RYR1: variants seen among roughly 807,000 people sequenced by gnomAD.
The protein encoded by RYR1 is central core disease of muscle.
A neutral mutation model predicts 583.5 loss-of-function variants in RYR1; 342 were observed. That is an observed-to-expected ratio of 0.59 (90% confidence interval 0.54 to 0.64). The LOEUF is 0.64. Ranked by LOEUF, RYR1 falls within the 30% of genes least tolerant of loss-of-function variation. RYR1 has a pLI of 0.00. For synonymous variants in RYR1, 2,791 were observed against 2,822.5 expected (o/e 0.99, Z 0.35); for missense variants, 6,032 against 6,917.2 (o/e 0.87, Z 4.54).
rs1474063085 is a variant in RYR1, at chr19:38,512,152, C to T, written c.9233+20C>T. ...TGCCAGGTAGGGCCATAGGCAGTGG[C>T]GCCCACTCCCACCATCATCGGGCCC... On this transcript the variant is annotated intron_variant, in intron 62 of 105. Transcript: ENST00000359596. The surrounding 1 kb of genome is among the most constrained non-coding windows in gnomAD (Gnocchi z 5.1). 1.4e-5 allele frequency: 22 copies of T among 1,613,942 alleles called. No homozygotes were observed. In the East Asian group the frequency reaches 3.8e-4, roughly 28 times the overall value.
intron 63 of RYR1, among the ~76,000 whole-genome samples, chr19:38,513,173 A>G (rs980939311): frequency 6.6e-5 from 10 of 152,116 alleles, no homozygotes; most frequent in African/African-American, 2.4e-4. Flanking sequence ...CCTTGTCTCT[A>G]CTAAAATACA....
At chr19:38,451,956 C>T (rs369900170) in intron 12 of RYR1, 71 bp downstream of exon 12, 62 of 1,601,304 alleles carry the variant, frequency 3.9e-5, no homozygotes, top group Non-Finnish European at 4.3e-6. Flanking sequence ...ATACACTTGG[C>T]CTCTTTCATC....
chr19:38,568,327 C>G (rs1973541660), intron 93 of RYR1, among the ~76,000 whole-genome samples: 1 of 152,148 alleles, frequency 6.6e-6, no homozygotes, highest in Non-Finnish European at 1.5e-5. Flanking sequence ...TCTGAGCTCT[C>G]CCAATTCCTG....
Position 38,499,624 on chromosome 19 carries a change from CG to C in RYR1, c.7028-8del. 6.3e-7 allele frequency: 1 copy of C among 1,597,038 alleles called. No homozygotes were observed. The highest frequency in any genetic ancestry group is 8.5e-7 in the Non-Finnish European group (1 of 1,179,734). ...GCTCATGAGACCCCCTTTCCCCATG[CG>C]GGTGGCCAGGCGAGAGCGTGGAGGA... On this transcript the variant is annotated splice_polypyrimidine_tract_variant and intron_variant, in intron 43 of 105. Transcript: ENST00000359596. This position sits in a 1 kb window ranked among gnomAD's most constrained non-coding sequence, Gnocchi z 7.3.
chr19:38,502,028 G>A (rs370284110), intron 47 of RYR1, among the ~76,000 whole-genome samples: 2 of 151,342 alleles, frequency 1.3e-5, no homozygotes, highest in African/African-American at 4.9e-5. Context: ...ATGGAGGTGC[G>A]TCCCTGTAGT....
At chr19:38,585,763 G>C (rs778748833) in intron 102 of RYR1, among the ~76,000 whole-genome samples, 175 bp from the exon 103 acceptor site, 1 of 152,028 alleles carries the variant, frequency 6.6e-6, no homozygotes, top group African/African-American at 2.4e-5. Context: ...GATTACAGGC[G>C]TGAGCCACCG....
chr19:38,538,491 C>G (rs1005377324), intron 84 of RYR1: 1 of 155,228 alleles, frequency 6.4e-6, no homozygotes, highest in Non-Finnish European at 1.4e-5. Flanking sequence ...AGCAACCTGC[C>G]AAAAACCAAT....
At position 38,585,901 on chromosome 19, in the gene RYR1, C is replaced by T. The variant is rs1208323823; in HGVS notation, c.14804-37C>T. The T allele has an allele frequency of 1.9e-5, 30 of 1,613,634 alleles. No homozygotes were observed. The East Asian group carries it at 6.7e-4, about 36-fold the overall frequency. On this transcript the variant is annotated intron_variant, in intron 102 of 105. Coordinates refer to ENST00000359596, the MANE Select transcript of RYR1 (RefSeq NM_000540.3). ...GGAGAGGGGGGAGTCTGAACCAGGT[C>T]AGAGGTCGGGCACTGACTTGTGTCC...
At chr19:38,567,214 G>A (rs1437894637) in intron 92 of RYR1, among the ~76,000 whole-genome samples, 2 of 152,136 alleles carry the variant, frequency 1.3e-5, no homozygotes, top group African/African-American at 2.4e-5. Context: ...GCATGGTGGT[G>A]TGTGGGGAGG....
At position 38,486,189 on chromosome 19, in the gene RYR1, T is replaced by C; in HGVS notation, c.5534T>C (p.Val1845Ala). Residue 1845 changes from valine to alanine, a missense_variant, in exon 34 of 106, where the codon GTG (valine) becomes GCG (alanine). Val to Ala is a moderately conservative substitution (Grantham distance 64). Transcript: ENST00000359596. ...EFQFVPVLKLVSTLLVMGIFG... is the reference protein window; with the variant it reads ...EFQFVPVLKLASTLLVMGIFG... ...CAGTTTGTGCCTGTGCTCAAGCTCGTGTCCACCCTGCTGGTAATGGCTTCC... is the reference window on the plus strand; with the variant it reads ...CAGTTTGTGCCTGTGCTCAAGCTCGCGTCCACCCTGCTGGTAATGGCTTCC... The C allele has an allele frequency of 6.2e-7, 1 of 1,612,956 alleles. No individual in the cohort carries two copies. Among genetic ancestry groups the C allele is most frequent in the East Asian group, 2.2e-5 (1 of 44,870 alleles).
At chr19:38,557,463 T>G (rs1599617912) in intron 89 of RYR1, among the ~76,000 whole-genome samples, 1 of 152,144 alleles carries the variant, frequency 6.6e-6, no homozygotes, top group Non-Finnish European at 1.5e-5. Flanking sequence ...AACCGGCTGG[T>G]GGCGGAAGGC....
At chr19:38,564,917 C>G in intron 90 of RYR1, 42 bp from the exon 91 acceptor site, 1 of 1,549,074 alleles carries the variant, frequency 6.5e-7, no homozygotes. Context: ...GTCCGAGCCC[C>G]CGCTGACGGC....
chr19:38,516,276 T>G, intron 65 of RYR1, 59 bp downstream of exon 65: 1 of 1,534,126 alleles, frequency 6.5e-7, no homozygotes, highest in Non-Finnish European at 8.8e-7. Flanking sequence ...CACAGGGCCT[T>G]GGGGAGACCC....
rs893030391 is a variant in RYR1 at position 38,538,004 on chromosome 19, G to C, written c.11689+44G>C. The C allele has an allele frequency of 1.9e-6, 3 of 1,586,252 alleles. No individual in the cohort carries two copies. In the South Asian group the frequency reaches 3.3e-5, roughly 18 times the overall value. ...GGGTGGAGGGGAAGCCGAGGTTTGG[G>C]GCTGGTACGGAAGGGTTGACTGAAT... is the stretch of plus-strand genomic sequence containing the variant. On this transcript the variant is annotated intron_variant, in intron 84 of 105. Coordinates refer to ENST00000359596, the MANE Select transcript of RYR1 (RefSeq NM_000540.3).
chr19:38,549,875 T>TTGTGTGTGTGTGTGTG (rs150566334), intron 89 of RYR1, among the ~76,000 whole-genome samples: 6 of 122,254 alleles, frequency 4.9e-5, no homozygotes, highest in East Asian at 2.5e-4. Context: ...CCAGCTAAAT[T>TTGTGTGTGTGTGTGTG]TGTGTGTGTG....
At chr19:38,585,892 G>C in intron 102 of RYR1, 46 bp from the exon 103 acceptor site, 1 of 1,613,202 alleles carries the variant, frequency 6.2e-7, no homozygotes. Context: ...GGGGGAGTCT[G>C]AACCAGGTCA....
intron 89 of RYR1, among the ~76,000 whole-genome samples, chr19:38,550,263 T>G: frequency 6.6e-6 from 1 of 152,084 alleles, no homozygotes; most frequent in Middle Eastern, 3.2e-3. Context: ...GGGATTGTAT[T>G]TAGGTGTTCT....
At chr19:38,479,688 C>T (rs1218475233) in intron 31 of RYR1, among the ~76,000 whole-genome samples, 1 of 152,002 alleles carries the variant, frequency 6.6e-6, no homozygotes, top group Non-Finnish European at 1.5e-5. Flanking sequence ...GCTGGGATTA[C>T]AGGCTTGAGT....
chr19:38,463,604 AGGAG>A, intron 21 of RYR1, 77 bp downstream of exon 21: 1 of 1,514,612 alleles, frequency 6.6e-7, no homozygotes. Context: ...ACCGGCGGAG[AGGAG>A]GGAGGGACCA....
Sources: allele counts gnomAD v4.1 joint callset (sites outside exome capture counted in the v4.1 genomes callset), GRCh38; gene constraint gnomAD v4.1.1; non-coding constraint Gnocchi (gnomAD v3.1); transcripts MANE v1.5; gene names NCBI Gene and HGNC (gene_info 2026-07-23, HGNC 2026-07-21).